The following CNTN4 variants were observed in gnomAD, a reference collection of about 807,000 sequenced individuals.
CNTN4 encodes contactin 4.
In CNTN4, 77 loss-of-function variants were observed where a neutral mutation model predicts 122.5. That is an observed-to-expected ratio of 0.63 (90% CI 0.52 to 0.76). The LOEUF is 0.76. Among genes scored for constraint, CNTN4 ranks in the 30% least tolerant of loss-of-function variants. The pLI is 0.00. For synonymous variants in CNTN4, 512 were observed against 447.0 expected, an observed-to-expected ratio of 1.15 and a Z score of -1.83; for missense variants, 1,256 against 1,259.1, an observed-to-expected ratio of 1.00 and a Z score of 0.04.
At chr3:2,304,070 C>G (rs2042618253) in intron 2 of CNTN4, among the ~76,000 whole-genome samples, 1 of 152,122 alleles carries the variant, frequency 6.6e-6, no homozygotes, top group South Asian at 2.1e-4. Context: ...GAAATTCAGT[C>G]CATCTATCTT....
chr3:2,887,747 G>C (rs1028596766), intron 10 of CNTN4, among the ~76,000 whole-genome samples: 2 of 152,054 alleles, frequency 1.3e-5, no homozygotes, highest in Non-Finnish European at 2.9e-5. Context: ...TCACCCCAAA[G>C]ACTTTTTATG....
At chr3:2,133,219 C>T (rs1178495376) in intron 2 of CNTN4, among the ~76,000 whole-genome samples, 1 of 152,106 alleles carries the variant, frequency 6.6e-6, no homozygotes, top group African/African-American at 2.4e-5. Context: ...TTCATTTTCT[C>T]CTTAGAGGAA....
chr3:3,037,946 T>C (rs1012903533), intron 18 of CNTN4, among the ~76,000 whole-genome samples: 10 of 152,174 alleles, frequency 6.6e-5, no homozygotes, highest in Non-Finnish European at 1.5e-4. Flanking sequence ...GTACTTTTAC[T>C]TAGCTGGTGT....
At chr3:2,432,924 G>A (rs991003946) in intron 3 of CNTN4, among the ~76,000 whole-genome samples, 5 of 151,196 alleles carry the variant, frequency 3.3e-5, no homozygotes, top group Non-Finnish European at 7.4e-5. Context: ...TCTCACCTCA[G>A]CTTCCCAAGT....
At chr3:2,240,823 G>C (rs953188963) in intron 2 of CNTN4, among the ~76,000 whole-genome samples, 1 of 151,902 alleles carries the variant, frequency 6.6e-6, no homozygotes, top group South Asian at 2.1e-4. Context: ...AATGTTCTTT[G>C]CATATCTTAT....
At chr3:2,797,108 C>T (rs1485718057) in intron 6 of CNTN4, among the ~76,000 whole-genome samples, 1 of 152,202 alleles carries the variant, frequency 6.6e-6, no homozygotes, top group African/African-American at 2.4e-5. Flanking sequence ...TGAAGTGATC[C>T]TCCTGCCTCA....
intron 13 of CNTN4, among the ~76,000 whole-genome samples, chr3:2,943,349 C>G (rs1222592966): frequency 6.6e-6 from 1 of 152,074 alleles, no homozygotes; most frequent in East Asian, 1.9e-4. Context: ...AGCATAACAG[C>G]ATGAACAACT....
chr3:2,515,536 C>T (rs925155636), intron 3 of CNTN4, among the ~76,000 whole-genome samples: 2 of 151,722 alleles, frequency 1.3e-5, no homozygotes, highest in African/African-American at 2.4e-5. Flanking sequence ...AATAGATACC[C>T]GTCCACATAA....
chr3:2,772,424 CAGAA>C, intron 6 of CNTN4, among the ~76,000 whole-genome samples: 1 of 148,930 alleles, frequency 6.7e-6, no homozygotes, highest in African/African-American at 2.5e-5. Flanking sequence ...GTAAAGAGTA[CAGAA>C]AGAAAGAAAA....
intron 2 of CNTN4, among the ~76,000 whole-genome samples, chr3:2,275,414 A>G (rs1221084621): frequency 6.6e-6 from 1 of 152,210 alleles, no homozygotes; most frequent in African/African-American, 2.4e-5. Flanking sequence ...TATTTACTAA[A>G]ACATAGTCAC....
At chr3:3,034,542 A>G (rs1279526480) in intron 16 of CNTN4, 90 bp from the exon 17 acceptor site, 1 of 1,309,370 alleles carries the variant, frequency 7.6e-7, no homozygotes, top group East Asian at 2.3e-5. Flanking sequence ...TAGATAAATG[A>G]ATGGGTCAAT....
chr3:2,140,531 C>G (rs1182984909), intron 2 of CNTN4, among the ~76,000 whole-genome samples: 1 of 152,112 alleles, frequency 6.6e-6, no homozygotes, highest in African/African-American at 2.4e-5. Flanking sequence ...TTGCTATGTT[C>G]TCACATGGGT....
At chr3:2,460,265 G>A (rs7626537) in intron 3 of CNTN4, among the ~76,000 whole-genome samples, 109,066 of 152,000 alleles carry the variant, frequency 0.72, 39,694 homozygotes, top group African/African-American at 0.84. Context: ...TTGTTTTTCA[G>A]GTTTTCAATC....
chr3:2,597,960 T>C (rs1299191419), intron 4 of CNTN4, among the ~76,000 whole-genome samples: 2 of 152,190 alleles, frequency 1.3e-5, no homozygotes, highest in Non-Finnish European at 2.9e-5. Flanking sequence ...CCTAATGAAC[T>C]TTTTGGCATC....
At chr3:2,616,206 T>A (rs1191104313) in intron 4 of CNTN4, among the ~76,000 whole-genome samples, 11 of 151,810 alleles carry the variant, frequency 7.2e-5, no homozygotes, top group Non-Finnish European at 1.5e-4. Context: ...CCATGTGTTC[T>A]CATTGTTCAA....
At chr3:2,796,417 A>C (rs748728700) in intron 6 of CNTN4, among the ~76,000 whole-genome samples, 3 of 152,128 alleles carry the variant, frequency 2.0e-5, no homozygotes, top group Non-Finnish European at 2.9e-5. Context: ...CCTAATCTAA[A>C]AATATCACTT....
intron 2 of CNTN4, among the ~76,000 whole-genome samples, chr3:2,322,069 A>C (rs573890854): frequency 5.8e-4 from 88 of 152,304 alleles, no homozygotes; most frequent in African/African-American, 2.0e-3. Context: ...ACATGAAAAA[A>C]TTCTCTACTT....
chr3:2,345,648 G>A (rs1243143523), intron 3 of CNTN4, among the ~76,000 whole-genome samples: 1 of 152,094 alleles, frequency 6.6e-6, no homozygotes, highest in Non-Finnish European at 1.5e-5. Flanking sequence ...CTGGAATTTT[G>A]AGTTTGCTGT....
At chr3:2,963,326 C>T (rs2094880602) in intron 13 of CNTN4, among the ~76,000 whole-genome samples, 1 of 152,128 alleles carries the variant, frequency 6.6e-6, no homozygotes, top group African/African-American at 2.4e-5. Context: ...TAATACTATA[C>T]ACTTTTCCTT....
Sources: gnomAD v4.1 joint callset for allele counts (sites outside exome capture counted in the v4.1 genomes callset) on GRCh38, gnomAD v4.1.1 for gene constraint, MANE v1.5 for transcripts, NCBI Gene and HGNC (gene_info 2026-07-23, HGNC 2026-07-21) for gene names.